REPIN1: variants seen among roughly 807,000 people sequenced by gnomAD.
REPIN1 encodes replication initiator 1, also known as DNA-binding protein REPIN1.
Under a neutral mutation model 5.7 loss-of-function variants are expected in REPIN1, and 4 were observed. The observed-to-expected ratio is 0.71, with a 90% CI of 0.35 to 1.62. The LOEUF is 1.62. REPIN1 is among the 40% of genes most tolerant of loss of function. The probability of loss-of-function intolerance (pLI) is 0.05; values close to 1 mark genes in which losing one functional copy is unlikely to be tolerated. For missense variants in REPIN1, 854 were observed against 901.0 expected, an observed-to-expected ratio of 0.95 and a Z score of 0.67; for synonymous variants, 410 against 386.2, an observed-to-expected ratio of 1.06 and a Z score of -0.72.
intron 1 of REPIN1, 90 bp from the exon 2 acceptor site, chr7:150,369,579 TGG>T (rs1160868800): frequency 2.6e-6 from 3 of 1,132,992 alleles, no homozygotes; most frequent in Non-Finnish European, 3.8e-6. Flanking sequence ...TGTGGCTTTG[TGG>T]GGGGAGGGGT....
In REPIN1 at chr7:150,372,200, C is replaced by T. The variant is rs768484370; in HGVS notation, c.1130C>T (p.Ser377Leu). 5 of 1,597,154 alleles carry T rather than the reference C, an allele frequency of 3.1e-6. No homozygotes were observed. The highest frequency in any genetic ancestry group is 3.4e-6 in the Non-Finnish European group (4 of 1,174,678). Reference protein sequence around the residue: ...HSKIHKRSEGSAQAAPGPGSP... With the variant: ...HSKIHKRSEGLAQAAPGPGSP... ...AAGATTCACAAGCGATCCGAGGGGT[C>T]GGCCCAGGCCGCCCCCGGCCCGGGG... Residue 377 changes from serine to leucine, a missense_variant, in exon 3 of 3, where the codon TCG becomes TTG. Transcript: ENST00000489432.
Position 150,371,724 on chromosome 7 carries a change from A to T in REPIN1, c.654A>T (p.Arg218=), listed in dbSNP as rs750136012. The T allele has an allele frequency of 6.2e-7, 1 of 1,608,870 alleles. No individual in the cohort carries two copies. Among genetic ancestry groups the T allele is most frequent in the South Asian group, 1.1e-5 (1 of 91,054 alleles). ...ERRFWRRKQL[R]AHLRRCHPPA... is the part of the protein sequence containing the mutation. ...GCTTCTGGCGACGAAAGCAGCTTCG[A>T]GCTCATCTGCGGCGGTGCCACCCTC... Residue 218 remains arginine, a synonymous_variant, in exon 3 of 3, where the codon CGA becomes CGT. Coordinates refer to ENST00000489432, the MANE Select transcript of REPIN1 (RefSeq NM_001099695.2).
rs558085737 is a variant in REPIN1 at position 150,370,485 on chromosome 7, C to A, written c.157+617C>A. ...TAGCACCCAGGGCTCTGCTCCTGTT[C>A]CCCGAGAAGGGCTGTTCTCACTTGT... On this transcript the variant is annotated intron_variant, in intron 2 of 2. Transcript: ENST00000489432. 22 of 470,626 alleles carry A rather than the reference C, an allele frequency of 4.7e-5. No individual in the cohort carries two copies. In the East Asian group the frequency reaches 8.6e-4, roughly 18 times the overall value. The allele number at this position is 470,626 out of a possible 1,614,324, so 29.2% of individuals were successfully genotyped here.
chr7:150,372,340 C>T lies in REPIN1; in HGVS notation c.1270C>T (p.Pro424Ser). Residue 424 changes from proline to serine, a missense_variant, in exon 3 of 3, where the codon CCG becomes TCG. Pro to Ser is a moderately conservative substitution (Grantham distance 74, BLOSUM62 -1). Transcript: ENST00000489432. ...PGAPPEHPQDPIEAPPSLYSC... is the reference protein window; with the variant it reads ...PGAPPEHPQDSIEAPPSLYSC... ...GGCCCCGCCAGAGCACCCGCAGGAC[C>T]CGATCGAAGCCCCCCCCTCCCTCTA... is the stretch of plus-strand genomic sequence containing the variant. 6.6e-7 allele frequency: 1 copy of T among 1,517,084 alleles called. No individual in the cohort carries two copies. The highest frequency in any genetic ancestry group is 8.8e-7 in the Non-Finnish European group (1 of 1,139,654). 94.0% of individuals were successfully genotyped at this position (1,517,084 alleles called of 1,614,324 possible). A position where few individuals can be genotyped will look rare whatever the true frequency, so the allele number is the denominator to read the frequency against.
In REPIN1 at chr7:150,372,582, G is replaced by A; in HGVS notation, c.1512G>A (p.Ala504=). The change falls in exon 3 of 3, where the codon GCG becomes GCA. Residue 504 remains alanine (A), a synonymous_variant. Transcript: ENST00000489432. ...GRRFSQGSHL[A]AHRRDHAPDR... is the part of the protein sequence containing the mutation. The stretch of plus-strand genomic sequence containing the variant: ...GCTTCTCCCAGGGCAGCCATCTGGC[G>A]GCGCATCGGCGCGACCACGCCCCCG... 4 of 1,602,258 alleles carry A rather than the reference G, an allele frequency of 2.5e-6. No individual in the cohort carries two copies. Among genetic ancestry groups the A allele is most frequent in the Non-Finnish European group, 2.5e-6 (3 of 1,176,916 alleles).
At chr7:150,368,699 G>T (rs1799091789), upstream of REPIN1, 1 of 227,102 alleles carries the variant, frequency 4.4e-6, no homozygotes, top group Non-Finnish European at 8.4e-6. Context: ...CCCGCGCCCC[G>T]GCCCCGGCAG....
intron 1 of REPIN1, chr7:150,369,159 G>A (rs1383614293): frequency 1.7e-5 from 6 of 354,078 alleles, no homozygotes; most frequent in Non-Finnish European, 3.0e-5. Flanking sequence ...GGACCCGTGT[G>A]CCCGGGAGCG....
In REPIN1 at chr7:150,371,900, C is replaced by A; in HGVS notation, c.830C>A (p.Pro277His). Reference protein sequence around the residue: ...KALGPRPRGRPAVTAPRPGGD... With the variant: ...KALGPRPRGRHAVTAPRPGGD... ...CTGGGGCCCCGGCCCAGGGGCCGCC[C>A]CGCGGTGACCGCCCCCCGGCCCGGT... Residue 277 changes from proline (P) to histidine (H), a missense_variant, in exon 3 of 3, where the codon CCC becomes CAC. Pro to His is a moderately conservative substitution (Grantham distance 77). Transcript: ENST00000489432. 6.2e-7 allele frequency: 1 copy of A among 1,607,164 alleles called. No homozygotes were observed. The highest frequency in any genetic ancestry group is 8.5e-7 in the Non-Finnish European group (1 of 1,178,066).
chr7:150,372,142 T>C lies in REPIN1; in HGVS notation c.1072T>C (p.Phe358Leu). ...PYPCKECGRRFRHKPNLLSHS... is the reference protein window; with the variant it reads ...PYPCKECGRRLRHKPNLLSHS... ...CCCGTGCAAAGAGTGCGGCCGCCGC[T>C]TCCGGCACAAACCCAACCTGCTGTC... The change falls in exon 3 of 3, where the codon TTC becomes CTC. Residue 358 changes from phenylalanine (F) to leucine (L), a missense_variant. Phe to Leu is a conservative substitution (Grantham distance 22). This residue lies in a region of REPIN1 where 327 missense variants were observed against 307.8 expected (regional missense o/e 1.06). Transcript: ENST00000489432. The C allele has an allele frequency of 6.2e-7, 1 of 1,611,476 alleles. No homozygotes were observed. Among genetic ancestry groups the C allele is most frequent in the Non-Finnish European group, 8.5e-7 (1 of 1,179,420 alleles).
chr7:150,370,922 T>C (rs745328755), intron 2 of REPIN1: 1 of 693,396 alleles, frequency 1.4e-6, no homozygotes, highest in African/African-American at 1.7e-5. Context: ...CATTCAGCAC[T>C]GGAGCATTTA....
Position 150,371,241 on chromosome 7 carries a change from G to A in REPIN1, c.171G>A (p.Pro57=). ...TTCCACCCTCAGCAGAGGAAGAACCGATGCTGGAACGTCGTTGCAGGGGCC... is the reference window on the plus strand; with the variant it reads ...TTCCACCCTCAGCAGAGGAAGAACCAATGCTGGAACGTCGTTGCAGGGGCC... ...QLCSLQAEEE[P]MLERRCRGPL... The change falls in exon 3 of 3, where the codon CCG becomes CCA. Residue 57 remains proline (P), a synonymous_variant. Transcript: ENST00000489432. 20 of 1,594,976 alleles carry A rather than the reference G, an allele frequency of 1.3e-5. No individual in the cohort carries two copies. The highest frequency in any genetic ancestry group is 1.6e-5 in the Non-Finnish European group (19 of 1,170,012).
Position 150,371,768 on chromosome 7 carries a change from C to CCTT in REPIN1, c.700_702dup (p.Phe234dup). The CCTT allele has an allele frequency of 6.2e-7, 1 of 1,611,578 alleles. No individual in the cohort carries two copies. ...CACCCTCCCGCCCCGGAGGCCCGGC[C>CCTT]CTTCATATGCGGCAACTGTGGCCGG... On this transcript the variant is annotated inframe_insertion, in exon 3 of 3. Coordinates refer to ENST00000489432, the MANE Select transcript of REPIN1 (RefSeq NM_001099695.2).
chr7:150,368,285 A>C (rs1409576560), upstream of REPIN1: 1 of 152,202 alleles, frequency 6.6e-6, no homozygotes, highest in African/African-American at 2.4e-5. Flanking sequence ...TTTGTGCTCC[A>C]CTTTGGAACA....
chr7:150,371,286 C>T lies in REPIN1; in HGVS notation c.216C>T (p.Ala72=). ...GGGGCCCCCTGGCCATGGGCCTGGCCCAGCCCCGACTCCTTTCTGGGCCCT... is the reference window on the plus strand; with the variant it reads ...GGGGCCCCCTGGCCATGGGCCTGGCTCAGCCCCGACTCCTTTCTGGGCCCT... ...RCRGPLAMGL[A]QPRLLSGPSQ... Residue 72 remains alanine, a synonymous_variant, in exon 3 of 3, where the codon GCC becomes GCT. Coordinates refer to ENST00000489432, the MANE Select transcript of REPIN1 (RefSeq NM_001099695.2). 1.9e-6 allele frequency: 3 copies of T among 1,595,282 alleles called. No homozygotes were observed. Among genetic ancestry groups the T allele is most frequent in the South Asian group, 2.3e-5 (2 of 88,468 alleles).
Position 150,372,310 on chromosome 7 carries a change from C to A in REPIN1, c.1240C>A (p.Pro414Thr), listed in dbSNP as rs746912542. ...TCTGAAACCGGCCCAGGAGCCGCCGCCAGGGGCCCCGCCAGAGCACCCGCA... is the reference window on the plus strand; with the variant it reads ...TCTGAAACCGGCCCAGGAGCCGCCGACAGGGGCCCCGCCAGAGCACCCGCA... ...VPLKPAQEPP[P>T]GAPPEHPQDP... Residue 414 changes from proline to threonine, a missense_variant, in exon 3 of 3, where the codon CCA becomes ACA. By Grantham distance (38) the Pro-to-Thr change is conservative. Transcript: ENST00000489432. The A allele has an allele frequency of 3.0e-6, 4 of 1,333,600 alleles. 1 individual carries two copies. In the South Asian group the frequency reaches 7.0e-5, roughly 23 times the overall value. 82.6% of individuals were successfully genotyped at this position (1,333,600 alleles called of 1,614,324 possible). A position where few individuals can be genotyped will look rare whatever the true frequency, so the allele number is the denominator to read the frequency against.
chr7:150,371,719 C>G lies in REPIN1; in HGVS notation c.649C>G (p.Leu217Val), dbSNP rs763586332. The change falls in exon 3 of 3, where the codon CTT becomes GTT. Residue 217 changes from leucine (L) to valine (V), a missense_variant. By Grantham distance (32) the Leu-to-Val change is conservative. This residue lies in a region of REPIN1 where 409 missense variants were observed against 418.6 expected (regional missense o/e 0.98). Coordinates refer to ENST00000489432, the MANE Select transcript of REPIN1 (RefSeq NM_001099695.2). Reference protein sequence around the residue: ...CERRFWRRKQLRAHLRRCHPP... With the variant: ...CERRFWRRKQVRAHLRRCHPP... ...GAGACGCTTCTGGCGACGAAAGCAG[C>G]TTCGAGCTCATCTGCGGCGGTGCCA... is the stretch of plus-strand genomic sequence containing the variant. 103 of 1,608,466 alleles carry G rather than the reference C, an allele frequency of 6.4e-5. 1 individual carries two copies. The highest frequency in any genetic ancestry group is 7.6e-6 in the Non-Finnish European group (9 of 1,179,892).
At chr7:150,368,106 C>A (rs1799004903), upstream of REPIN1, 1 of 152,264 alleles carries the variant, frequency 6.6e-6, no homozygotes, top group African/African-American at 2.4e-5. Context: ...AGACGCCACA[C>A]AGGCTGCTGA....
intron 2 of REPIN1, chr7:150,370,725 T>C (rs1423804333): frequency 1.4e-6 from 1 of 702,544 alleles, no homozygotes; most frequent in East Asian, 2.7e-5. Context: ...TCTCGTCATC[T>C]TTGATGTCTC....
chr7:150,370,606 A>T, intron 2 of REPIN1: 1 of 624,586 alleles, frequency 1.6e-6, no homozygotes, highest in Non-Finnish European at 2.9e-6. Context: ...TTTCTCTGAG[A>T]TCTTTGCAAA....
Sources: gnomAD v4.1 joint callset for allele counts on GRCh38, gnomAD v4.1.1 for gene constraint, gnomAD v4.1.1 regional missense constraint, MANE v1.5 for transcripts, NCBI Gene and HGNC (gene_info 2026-07-23, HGNC 2026-07-21) for gene names.